CATSPER3: variants seen among roughly 807,000 people sequenced by gnomAD.
The protein encoded by CATSPER3 is cation channel sperm-associated protein 3.
Under a neutral mutation model 36.6 loss-of-function variants are expected in CATSPER3, and 23 were observed. The ratio of observed to expected loss-of-function variants is 0.63; its 90% CI spans 0.45 to 0.89. CATSPER3 has a LOEUF of 0.89. Ranked by LOEUF, CATSPER3 falls within the 40% of genes least tolerant of loss-of-function variation. The pLI is 0.00. For missense variants in CATSPER3, 474 were observed against 503.9 expected, an observed-to-expected ratio of 0.94 and a Z score of 0.57; for synonymous variants, 172 against 184.1, an observed-to-expected ratio of 0.93 and a Z score of 0.53.
In CATSPER3 at chr5:134,968,062, G is replaced by C. The variant is rs1751555789; in HGVS notation, c.71G>C (p.Gly24Ala). 1 of 1,613,292 alleles carries C rather than the reference G, an allele frequency of 6.2e-7. No homozygotes were observed. The highest frequency in any genetic ancestry group is 1.3e-5 in the African/African-American group (1 of 74,860). The change falls in exon 1 of 8, where the codon GGA becomes GCA. Residue 24 changes from glycine to alanine, a missense_variant. Transcript: ENST00000282611. ...SSSPVDTTSV[G>A]FCPTFKKFKR... ...TCACCAGTTGACACTACATCGGTGG[G>C]ATTTTGCCCAACATTCAAGAAATTT...
chr5:135,007,542 A>G (rs903767912), intron 3 of CATSPER3, among the ~76,000 whole-genome samples: 2 of 152,202 alleles, frequency 1.3e-5, no homozygotes, highest in African/African-American at 2.4e-5. Flanking sequence ...ACTCACTCCC[A>G]GAGTCGTTCC....
intron 1 of CATSPER3, 145 bp downstream of exon 1, chr5:134,968,234 ATGAT>A: frequency 1.5e-6 from 1 of 684,584 alleles, no homozygotes; most frequent in South Asian, 1.6e-5. Flanking sequence ...TCTGGTTTCT[ATGAT>A]TGGTGAGGCT....
intron 3 of CATSPER3, among the ~76,000 whole-genome samples, chr5:135,007,474 C>T (rs1752102639): frequency 6.6e-6 from 1 of 152,206 alleles, no homozygotes; most frequent in Admixed American, 6.5e-5. Flanking sequence ...CAGGGACCTA[C>T]CTGTGAAGAC....
intron 3 of CATSPER3, among the ~76,000 whole-genome samples, chr5:135,004,674 T>G (rs933055974): frequency 3.3e-5 from 5 of 152,096 alleles, no homozygotes; most frequent in Non-Finnish European, 5.9e-5. Flanking sequence ...AGGCCTGGCA[T>G]CTTCCATAAA....
At chr5:135,009,133 C>G in intron 5 of CATSPER3, 152 bp downstream of exon 5, 1 of 1,125,374 alleles carries the variant, frequency 8.9e-7, no homozygotes, top group South Asian at 1.3e-5. Flanking sequence ...CTCACCCGGC[C>G]CAACTCTCCT....
chr5:135,011,039 C>A (rs886194748), intron 7 of CATSPER3, among the ~76,000 whole-genome samples: 3 of 152,180 alleles, frequency 2.0e-5, no homozygotes, highest in African/African-American at 7.2e-5. Flanking sequence ...TATGAGCAGC[C>A]ATTACTGAGC....
intron 2 of CATSPER3, among the ~76,000 whole-genome samples, chr5:134,970,438 C>T (rs570677639): frequency 9.0e-4 from 137 of 152,158 alleles, no homozygotes; most frequent in African/African-American, 3.2e-3. Context: ...GGATTACAGG[C>T]GTTAGCCACC....
Position 134,967,949 on chromosome 5 carries a change from GT to G in CATSPER3, c.-41del. The G allele has an allele frequency of 6.9e-7, 1 of 1,441,718 alleles. No homozygotes were observed. The highest frequency in any genetic ancestry group is 9.8e-7 in the Non-Finnish European group (1 of 1,023,224). The allele number at this position is 1,441,718 out of a possible 1,614,324, so 89.3% of individuals were successfully genotyped here. The stretch of plus-strand genomic sequence containing the variant: ...GAAAATCCCTAAGCAGAGATTTTCT[GT>G]TGGATGCTAAAAGCAAGGAATAAAA... On this transcript the variant is annotated 5_prime_UTR_variant, in exon 1 of 8. Coordinates refer to ENST00000282611, the MANE Select transcript of CATSPER3 (RefSeq NM_178019.3).
intron 3 of CATSPER3, among the ~76,000 whole-genome samples, chr5:135,004,872 G>A (rs776207105): frequency 1.2e-4 from 19 of 152,138 alleles, no homozygotes; most frequent in Non-Finnish European, 2.2e-4. Context: ...TGAATCTGAG[G>A]GCTGTCGGGG....
intron 2 of CATSPER3, among the ~76,000 whole-genome samples, chr5:134,986,669 G>A (rs1025707632): frequency 6.6e-6 from 1 of 151,546 alleles, no homozygotes; most frequent in Non-Finnish European, 1.5e-5. Flanking sequence ...TGCCATGTTG[G>A]CCAGGCTGGT....
At chr5:134,998,952 C>A (rs1443048448) in intron 3 of CATSPER3, among the ~76,000 whole-genome samples, 1 of 152,120 alleles carries the variant, frequency 6.6e-6, no homozygotes, top group South Asian at 2.1e-4. Flanking sequence ...GCTTTTGTTG[C>A]CCTTGCTTTT....
chr5:135,009,628 C>T (rs935625909), intron 6 of CATSPER3, 138 bp downstream of exon 6: 5 of 694,288 alleles, frequency 7.2e-6, no homozygotes, highest in African/African-American at 5.3e-5. Flanking sequence ...AAGACAGCTG[C>T]CTTCCTCCAA....
intron 2 of CATSPER3, among the ~76,000 whole-genome samples, chr5:134,990,006 A>G (rs1211676504): frequency 6.6e-6 from 1 of 152,090 alleles, no homozygotes; most frequent in Non-Finnish European, 1.5e-5. Flanking sequence ...GCCCCAGGAG[A>G]GGGAGAGAGA....
intron 2 of CATSPER3, among the ~76,000 whole-genome samples, chr5:134,976,021 A>C (rs1751668580): frequency 6.6e-6 from 1 of 152,262 alleles, no homozygotes; most frequent in Non-Finnish European, 1.5e-5. Context: ...TAAGCCAAGC[A>C]CAGAAGAACA....
In CATSPER3 at chr5:134,996,267, CT is replaced by C; in HGVS notation, c.253-5del. 1 of 1,614,216 alleles carries C rather than the reference CT, an allele frequency of 6.2e-7. No individual in the cohort carries two copies. On this transcript the variant is annotated splice_polypyrimidine_tract_variant and splice_region_variant and intron_variant, in intron 2 of 7. Transcript: ENST00000282611. The stretch of plus-strand genomic sequence containing the variant: ...CTGACTTCTCCAACCCTTGCTACCC[CT>C]GTAGTTCTCGGAGATCTTCTTTGTG...
intron 2 of CATSPER3, among the ~76,000 whole-genome samples, chr5:134,970,433 A>G (rs181123574): frequency 5.8e-4 from 88 of 152,218 alleles, no homozygotes; most frequent in African/African-American, 2.0e-3. Flanking sequence ...TGCTGGGATT[A>G]CAGGCGTTAG....
intron 3 of CATSPER3, among the ~76,000 whole-genome samples, chr5:135,004,434 A>G (rs1752058963): frequency 6.6e-6 from 1 of 152,202 alleles, no homozygotes; most frequent in South Asian, 2.1e-4. Context: ...CCTAAGAGGA[A>G]GGGAGTATGT....
chr5:134,999,628 C>T (rs1424474228), intron 3 of CATSPER3, among the ~76,000 whole-genome samples: 2 of 152,120 alleles, frequency 1.3e-5, no homozygotes, highest in Admixed American at 1.3e-4. Context: ...CCTTCACATC[C>T]CTTGTAAGTT....
chr5:134,968,489 G>C (rs1450725111), intron 1 of CATSPER3: 1 of 256,950 alleles, frequency 3.9e-6, no homozygotes, highest in Non-Finnish European at 7.5e-6. Context: ...TCAGGAGTTT[G>C]AGACCAGCCT....
Sources: gnomAD v4.1 joint callset for allele counts (sites outside exome capture counted in the v4.1 genomes callset) on GRCh38, gnomAD v4.1.1 for gene constraint, MANE v1.5 for transcripts, NCBI Gene and HGNC (gene_info 2026-07-23, HGNC 2026-07-21) for gene names.